BCL11A: variants seen among roughly 807,000 people sequenced by gnomAD.
BCL11A encodes B cell CLL/lymphoma 11A.
A neutral mutation model predicts 55.9 loss-of-function variants in BCL11A; 2 were observed. The ratio of observed to expected loss-of-function variants is 0.04; its 90% CI spans 0.01 to 0.11. The LOEUF is 0.11. BCL11A is among the 10% of genes least tolerant of loss of function. BCL11A has a pLI of 1.00. For synonymous variants in BCL11A, 465 were observed against 473.4 expected (o/e 0.98, Z 0.23); for missense variants, 817 against 1,137.1 (o/e 0.72, Z 4.05).
At chr2:60,552,963 G>A (rs976440972) in intron 1 of BCL11A, among the ~76,000 whole-genome samples, 1 of 151,954 alleles carries the variant, frequency 6.6e-6, no homozygotes, top group Admixed American at 6.6e-5. Flanking sequence ...GGAAAGAGGA[G>A]GAGTCAAATT....
At chr2:60,521,770 C>T (rs1669007351) in intron 2 of BCL11A, among the ~76,000 whole-genome samples, 2 of 152,146 alleles carry the variant, frequency 1.3e-5, no homozygotes, top group Non-Finnish European at 2.9e-5. Context: ...CATAACACTA[C>T]CAGCCACGTG....
At chr2:60,463,557 C>T (rs567880442) in intron 3 of BCL11A, among the ~76,000 whole-genome samples, 1 of 152,324 alleles carries the variant, frequency 6.6e-6, no homozygotes, top group African/African-American at 2.4e-5. Flanking sequence ...ACATTATTTC[C>T]CTTGCTGAAA....
chr2:60,550,165 G>C (rs1670339046), intron 1 of BCL11A, among the ~76,000 whole-genome samples: 1 of 152,038 alleles, frequency 6.6e-6, no homozygotes, highest in African/African-American at 2.4e-5. Context: ...CGAAGCCCTA[G>C]AGCGCGCACT....
At chr2:60,466,774 T>C (rs1676639557) in intron 3 of BCL11A, among the ~76,000 whole-genome samples, 1 of 151,612 alleles carries the variant, frequency 6.6e-6, no homozygotes, top group Admixed American at 6.6e-5. Flanking sequence ...ACCTTTTTCC[T>C]TTTCTTTTTT....
At chr2:60,523,094 A>C (rs1286301209) in intron 2 of BCL11A, among the ~76,000 whole-genome samples, 3 of 152,266 alleles carry the variant, frequency 2.0e-5, no homozygotes, top group Non-Finnish European at 4.4e-5. Flanking sequence ...ATATAAAATA[A>C]GTAAGAAGTA....
At chr2:60,534,724 A>C (rs1326539856) in intron 2 of BCL11A, 1 of 152,262 alleles carries the variant, frequency 6.6e-6, no homozygotes, top group Admixed American at 6.5e-5. Flanking sequence ...CTTGGCAAGA[A>C]GATGCATCAT....
Position 60,539,486 on chromosome 2 carries a change from T to C in BCL11A, c.385+6485A>G, listed in dbSNP as rs889962938. ...AGAACAGCAAAAGCCTTTGCTGAAA[T>C]GTTTTAAAAATGCATAGGGAGTGCA... On this transcript the variant is annotated intron_variant, in intron 2 of 3. Transcript: ENST00000642384. Among the ~76,000 whole-genome samples the C allele has an allele frequency of 2.6e-5, 4 of 152,270 alleles. No homozygotes were observed. The South Asian group carries it at 8.3e-4, about 32-fold the overall frequency.
At position 60,457,403 on chromosome 2, in the gene BCL11A, A is replaced by T. The variant is rs1675989866; in HGVS notation, c.*3001T>A. On this transcript the variant is annotated 3_prime_UTR_variant, in exon 4 of 4. Transcript: ENST00000642384. The stretch of plus-strand genomic sequence containing the variant: ...TAAAAACAAAGAAAAATAAAAGATC[A>T]AATTAAGTGCCTCTGTTTTGAACAG... The T allele has an allele frequency of 1.9e-6, 2 of 1,029,140 alleles. No individual in the cohort carries two copies. The highest frequency in any genetic ancestry group is 2.3e-6 in the Non-Finnish European group (2 of 854,022). The allele number at this position is 1,029,140 out of a possible 1,614,324, so 63.8% of individuals were successfully genotyped here.
chr2:60,508,721 G>A (rs1679791206), intron 2 of BCL11A: 1 of 152,304 alleles, frequency 6.6e-6, no homozygotes, highest in Admixed American at 6.5e-5. Flanking sequence ...GGGGCCGTGG[G>A]AATAGCTGGA....
exon 5 of BCL11A, chr2:60,451,285 T>A: frequency 4.4e-6 from 1 of 226,930 alleles, no homozygotes; most frequent in Non-Finnish European, 8.8e-6. Context: ...TTTTCCCCAC[T>A]TAGGTTCACG....
chr2:60,467,822 A>G (rs1464233669), intron 3 of BCL11A, among the ~76,000 whole-genome samples: 5 of 74,214 alleles, frequency 6.7e-5, no homozygotes, highest in Non-Finnish European at 1.2e-4. Flanking sequence ...ACTGGTGGTG[A>G]TGGTGATGGT....
In BCL11A at chr2:60,458,601, G is replaced by GTTTT; in HGVS notation, c.*1799_*1802dup. The stretch of plus-strand genomic sequence containing the variant: ...AATAGTCAAGTAAATGGCTGGCAAA[G>GTTTT]TTTTTTTTTTTTTAGTTTTTAAAAA... On this transcript the variant is annotated 3_prime_UTR_variant, in exon 4 of 4. Coordinates refer to ENST00000642384, the MANE Select transcript of BCL11A (RefSeq NM_022893.4). 1.2e-6 allele frequency: 1 copy of GTTTT among 849,784 alleles called. No individual in the cohort carries two copies. Among genetic ancestry groups the GTTTT allele is most frequent in the Middle Eastern group, 5.6e-4 (1 of 1,788 alleles). The allele number at this position is 849,784 out of a possible 1,614,324, so 52.6% of individuals were successfully genotyped here.
intron 1 of BCL11A, 129 bp downstream of exon 1, chr2:60,553,087 T>G: frequency 1.1e-6 from 1 of 932,920 alleles, no homozygotes. Context: ...ACCTCGACTC[T>G]CGGAGGTTTT....
intron 2 of BCL11A, among the ~76,000 whole-genome samples, chr2:60,504,754 T>C (rs957330724): frequency 2.0e-5 from 3 of 152,166 alleles, no homozygotes; most frequent in African/African-American, 7.2e-5. Context: ...CAATCAAGTC[T>C]TGAAATTATA....
Position 60,545,981 on chromosome 2 carries a change from T to C in BCL11A, c.375A>G (p.Glu125=). 1 of 1,613,602 alleles carries C rather than the reference T, an allele frequency of 6.2e-7. No homozygotes were observed. Among genetic ancestry groups the C allele is most frequent in the Non-Finnish European group, 8.5e-7 (1 of 1,179,562 alleles). The change falls in exon 2 of 4, where the codon GAA becomes GAG. Residue 125 remains glutamate (E), a synonymous_variant. Transcript: ENST00000642384. Reference sequence around the variant, plus strand: ...TTGCTTCTCATTTACCTGCTATGTGTTCCTGTTTGGGGCAAATTCCTCTAG... The same window carrying C: ...TTGCTTCTCATTTACCTGCTATGTGCTCCTGTTTGGGGCAAATTCCTCTAG... ...TSSRGICPKQ[E]HIADKLLHWR...
intron 1 of BCL11A, among the ~76,000 whole-genome samples, chr2:60,547,697 A>T (rs1157622439): frequency 6.6e-6 from 1 of 152,164 alleles, no homozygotes; most frequent in Non-Finnish European, 1.5e-5. Flanking sequence ...TTGAGTGTAG[A>T]ATATTGGAAC....
intron 2 of BCL11A, among the ~76,000 whole-genome samples, chr2:60,515,556 G>A (rs1668692798): frequency 6.6e-6 from 1 of 152,216 alleles, no homozygotes; most frequent in Admixed American, 6.5e-5. Context: ...AAGCCAAGTT[G>A]CTGACAGAGT....
At chr2:60,536,190 T>G (rs1039294505) in intron 2 of BCL11A, 1 of 152,228 alleles carries the variant, frequency 6.6e-6, no homozygotes, top group Non-Finnish European at 1.5e-5. Flanking sequence ...TCATTTGAAC[T>G]GCTATCGAAG....
downstream of BCL11A, among the ~76,000 whole-genome samples, chr2:60,456,946 G>C (rs929190691): frequency 6.6e-6 from 1 of 152,148 alleles, no homozygotes; most frequent in African/African-American, 2.4e-5. Context: ...TTTAACATCA[G>C]ACTGAAAACA....
Sources: gnomAD v4.1 joint callset for allele counts (sites outside exome capture counted in the v4.1 genomes callset) on GRCh38, gnomAD v4.1.1 for gene constraint, MANE v1.5 for transcripts, NCBI Gene and HGNC (gene_info 2026-07-23, HGNC 2026-07-21) for gene names.